Variants in ADAM22 observed in about 807,000 individuals in gnomAD.
The protein encoded by ADAM22 is disintegrin and metalloproteinase domain-containing protein 22.
In ADAM22, 65 loss-of-function variants were observed where a neutral mutation model predicts 144.6. The ratio of observed to expected loss-of-function variants is 0.45; its 90% CI spans 0.37 to 0.55. The LOEUF (loss-of-function observed/expected upper bound fraction) is 0.55, where lower values mean the gene tolerates loss of function less well. Among genes scored for constraint, ADAM22 ranks in the 20% least tolerant of loss-of-function variants. The probability of loss-of-function intolerance (pLI) is 0.00; values close to 1 mark genes in which losing one functional copy is unlikely to be tolerated. For synonymous variants in ADAM22, 391 were observed against 412.6 expected, an observed-to-expected ratio of 0.95 and a Z score of 0.63; for missense variants, 974 against 1,184.9, an observed-to-expected ratio of 0.82 and a Z score of 2.61.
At chr7:88,004,428 C>G (rs1793309987) in intron 3 of ADAM22, among the ~76,000 whole-genome samples, 1 of 152,150 alleles carries the variant, frequency 6.6e-6, no homozygotes. Flanking sequence ...AAATGTAACT[C>G]AAAATAATAG....
At chr7:88,026,443 C>T (rs532711309) in intron 3 of ADAM22, among the ~76,000 whole-genome samples, 10 of 152,154 alleles carry the variant, frequency 6.6e-5, no homozygotes, top group Non-Finnish European at 1.3e-4. Context: ...GAATTCCACC[C>T]CGATGATACA....
At position 88,198,403 on chromosome 7, in the gene ADAM22, A is replaced by T. The variant is rs1452326351; in HGVS notation, c.*1912A>T. ...ATGACAGGAAGGGATGTGATTGTTGATATGACCATAAAGCGATCCATCAGG... is the reference window on the plus strand; with the variant it reads ...ATGACAGGAAGGGATGTGATTGTTGTTATGACCATAAAGCGATCCATCAGG... On this transcript the variant is annotated 3_prime_UTR_variant, in exon 32 of 32. Transcript: ENST00000413139. 2.6e-5 allele frequency: 4 copies of T among 152,366 alleles called. No homozygotes were observed. In the East Asian group the frequency reaches 5.8e-4, roughly 22 times the overall value. The allele number at this position is 152,366 out of a possible 1,614,324, so 9.4% of individuals were successfully genotyped here.
chr7:88,046,729 A>G (rs1804782879), intron 3 of ADAM22, among the ~76,000 whole-genome samples: 1 of 151,980 alleles, frequency 6.6e-6, no homozygotes, highest in Non-Finnish European at 1.5e-5. Flanking sequence ...GCCTATTTTG[A>G]GTGTTTTTTA....
At chr7:88,071,502 G>A (rs1311304181) in intron 3 of ADAM22, among the ~76,000 whole-genome samples, 6 of 151,202 alleles carry the variant, frequency 4.0e-5, no homozygotes, top group African/African-American at 1.5e-4. Flanking sequence ...GGCAGAGCTT[G>A]GATGGAAAAT....
At chr7:88,053,435 C>T (rs1390917850) in intron 3 of ADAM22, among the ~76,000 whole-genome samples, 1 of 151,886 alleles carries the variant, frequency 6.6e-6, no homozygotes, top group Non-Finnish European at 1.5e-5. Context: ...CACCACTGCA[C>T]TCTAGCCAGG....
intron 3 of ADAM22, among the ~76,000 whole-genome samples, chr7:88,049,555 C>A (rs7811272): frequency 1.3e-5 from 2 of 152,068 alleles, no homozygotes; most frequent in Non-Finnish European, 1.5e-5. Context: ...TGCACCACCA[C>A]GCCCGGCTAA....
At chr7:88,088,434 T>C (rs1049043916) in intron 4 of ADAM22, among the ~76,000 whole-genome samples, 2 of 152,108 alleles carry the variant, frequency 1.3e-5, no homozygotes, top group Middle Eastern at 3.4e-3. Flanking sequence ...CCATTTCTTC[T>C]TTCTTAAAAA....
chr7:88,061,708 C>A lies in ADAM22; in HGVS notation c.324-13918C>A, dbSNP rs113036929. On this transcript the variant is annotated intron_variant, in intron 3 of 31. Coordinates refer to ENST00000413139, the MANE Select transcript of ADAM22 (RefSeq NM_001324418.2). ...TGTTGTTGCATTTATGGAGCACAGG[C>A]AGAGTAGATTTAGGATAATTCCTAA... 1.1e-3 allele frequency among the ~76,000 whole-genome samples: 175 copies of A among 152,176 alleles called. 1 individual carries two copies. The highest frequency in any genetic ancestry group is 4.1e-3 in the African/African-American group (172 of 41,512).
chr7:88,196,768 A>C lies in ADAM22; in HGVS notation c.*277A>C, dbSNP rs1291122696. On this transcript the variant is annotated 3_prime_UTR_variant, in exon 32 of 32. Transcript: ENST00000413139. ...TATGTTAATGGATAATCCGCATGAC[A>C]GATAATATGTAGAAATATTCATAAA... 1 of 451,088 alleles carries C rather than the reference A, an allele frequency of 2.2e-6. No homozygotes were observed. Among genetic ancestry groups the C allele is most frequent in the African/African-American group, 1.9e-5 (1 of 51,312 alleles). The allele number at this position is 451,088 out of a possible 1,614,324, so 27.9% of individuals were successfully genotyped here. A position where few individuals can be genotyped will look rare whatever the true frequency, so the allele number is the denominator to read the frequency against.
chr7:88,143,650 A>G (rs1185691112), intron 15 of ADAM22, among the ~76,000 whole-genome samples: 3 of 152,216 alleles, frequency 2.0e-5, no homozygotes, highest in Non-Finnish European at 4.4e-5. Flanking sequence ...CTTGCAGCAC[A>G]TCCTCTGGTT....
At position 88,153,178 on chromosome 7, in the gene ADAM22, A is replaced by G. The variant is rs778289048; in HGVS notation, c.1682-43A>G. The G allele has an allele frequency of 7.0e-6, 10 of 1,437,066 alleles. No individual in the cohort carries two copies. The Admixed American group carries it at 9.2e-5, about 13-fold the overall frequency. 89.0% of individuals were successfully genotyped at this position (1,437,066 alleles called of 1,614,324 possible). A position where few individuals can be genotyped will look rare whatever the true frequency, so the allele number is the denominator to read the frequency against. ...TTTCTGCAAAGCTTTTGAGCAGCCA[A>G]ATCGTACTTCCCTCACTGATAGAAA... On this transcript the variant is annotated intron_variant, in intron 20 of 31. Transcript: ENST00000413139.
intron 3 of ADAM22, among the ~76,000 whole-genome samples, chr7:87,980,285 C>CTTTTTTTTT (rs1356609097): frequency 9.5e-5 from 3 of 31,652 alleles, no homozygotes; most frequent in African/African-American, 3.8e-4. Context: ...ATGCACTGTG[C>CTTTTTTTTT]TCTTTTTTTT....
At chr7:87,945,759 C>T (rs532575124) in intron 2 of ADAM22, among the ~76,000 whole-genome samples, 61 of 152,204 alleles carry the variant, frequency 4.0e-4, no homozygotes, top group African/African-American at 1.3e-3. Context: ...GTGATCCACC[C>T]GCCTCGGCCT....
intron 2 of ADAM22, among the ~76,000 whole-genome samples, chr7:87,968,397 G>A (rs1473568848): frequency 6.6e-6 from 1 of 152,136 alleles, no homozygotes; most frequent in Non-Finnish European, 1.5e-5. Flanking sequence ...GGTAGTCTGG[G>A]TGTGGTGGCT....
At chr7:88,069,722 A>C (rs780488667) in intron 3 of ADAM22, among the ~76,000 whole-genome samples, 1 of 151,818 alleles carries the variant, frequency 6.6e-6, no homozygotes, top group African/African-American at 2.4e-5. Flanking sequence ...GGCTGCTTAG[A>C]TGAGGTAGCC....
intron 1 of ADAM22, 110 bp downstream of exon 1, chr7:87,934,660 ATTT>A (rs57360340): frequency 0.052 from 35,504 of 687,328 alleles, 4 homozygotes; most frequent in East Asian, 0.067. Flanking sequence ...GCGCGGGGAG[ATTT>A]TTTTTTTTTT....
intron 3 of ADAM22, among the ~76,000 whole-genome samples, chr7:88,005,359 C>T (rs1793554422): frequency 6.6e-6 from 1 of 152,178 alleles, no homozygotes; most frequent in Admixed American, 6.6e-5. Flanking sequence ...GTAGTGGAAG[C>T]TATCTGGATA....
intron 26 of ADAM22, among the ~76,000 whole-genome samples, chr7:88,175,376 AGG>A (rs1301420373): frequency 3.3e-5 from 5 of 152,204 alleles, no homozygotes; most frequent in Non-Finnish European, 7.3e-5. Flanking sequence ...ATTAAGTTAC[AGG>A]GGTTGATCCT....
intron 3 of ADAM22, among the ~76,000 whole-genome samples, chr7:88,055,693 A>T (rs1808063449): frequency 6.6e-6 from 1 of 152,218 alleles, no homozygotes; most frequent in South Asian, 2.1e-4. Flanking sequence ...GGAGGGTAAG[A>T]ATCCAGAAAA....
Sources: gnomAD v4.1 joint callset for allele counts (sites outside exome capture counted in the v4.1 genomes callset) on GRCh38, gnomAD v4.1.1 for gene constraint, MANE v1.5 for transcripts, NCBI Gene and HGNC (gene_info 2026-07-23, HGNC 2026-07-21) for gene names.